The following ANGPT1 variants were observed in gnomAD, a reference collection of about 807,000 sequenced individuals.
ANGPT1 encodes the protein angiopoietin-1.
In ANGPT1, 17 loss-of-function variants were observed where a neutral mutation model predicts 62.2. The observed-to-expected ratio is 0.27, with a 90% confidence interval of 0.19 to 0.41. ANGPT1 has a LOEUF of 0.41. Ranked by LOEUF, ANGPT1 falls within the 10% of genes least tolerant of loss-of-function variation. The pLI is 1.00. For synonymous variants in ANGPT1, 199 were observed against 198.9 expected, an observed-to-expected ratio of 1.00 and a Z score of 0.00; for missense variants, 478 against 594.9, an observed-to-expected ratio of 0.80 and a Z score of 2.04.
At chr8:107,462,195 A>G (rs2130478922) in intron 1 of ANGPT1, among the ~76,000 whole-genome samples, 1 of 152,174 alleles carries the variant, frequency 6.6e-6, no homozygotes, top group African/African-American at 2.4e-5. Flanking sequence ...TTAGAAGGTA[A>G]TGATGAAAAT....
chr8:107,373,936 A>T (rs1816470339), intron 1 of ANGPT1, among the ~76,000 whole-genome samples: 1 of 152,212 alleles, frequency 6.6e-6, no homozygotes. Flanking sequence ...CTATGCTAGC[A>T]CTCAACTCGT....
intron 1 of ANGPT1, among the ~76,000 whole-genome samples, chr8:107,410,234 G>A (rs998376042): frequency 1.3e-5 from 2 of 152,024 alleles, no homozygotes; most frequent in African/African-American, 4.8e-5. Context: ...CAACTTCAAG[G>A]GTCTAATACT....
At chr8:107,461,787 C>A (rs1812078950) in intron 1 of ANGPT1, among the ~76,000 whole-genome samples, 1 of 151,962 alleles carries the variant, frequency 6.6e-6, no homozygotes, top group African/African-American at 2.4e-5. Context: ...GAATGAATAA[C>A]TATGTAAATA....
rs775436703 is a variant in ANGPT1 at position 107,321,974 on chromosome 8, T to C, written c.730A>G (p.Asn244Asp). ...EKQLNRATTN[N>D]SVLQKQQLEL... ...AGTTGCTGCTTCTGAAGGACACTGT[T>C]GTTGGTGGTAGCTCTGTTTAATTGC... Residue 244 changes from asparagine (N) to aspartate (D), a missense_variant, in exon 4 of 9, where the codon AAC becomes GAC. By Grantham distance (23) the Asn-to-Asp change is conservative. Around this residue, in one of 4 missense-constraint regions of ANGPT1, gnomAD observed 343 missense variants for 355.4 expected, o/e 0.97. Coordinates refer to ENST00000517746, the MANE Select transcript of ANGPT1 (RefSeq NM_001146.5). 2.1e-5 allele frequency: 34 copies of C among 1,614,004 alleles called. No individual in the cohort carries two copies. The highest frequency in any genetic ancestry group is 2.6e-5 in the Non-Finnish European group (31 of 1,179,896).
At chr8:107,278,255 T>TA (rs1813911871) in intron 7 of ANGPT1, among the ~76,000 whole-genome samples, 1 of 151,972 alleles carries the variant, frequency 6.6e-6, no homozygotes, top group South Asian at 2.1e-4. Flanking sequence ...TTTGTTTTTT[T>TA]AATTTTTAAT....
At chr8:107,370,145 A>T (rs1816353399) in intron 1 of ANGPT1, among the ~76,000 whole-genome samples, 1 of 145,128 alleles carries the variant, frequency 6.9e-6, no homozygotes, top group South Asian at 2.3e-4. Context: ...AAAAAGAGAG[A>T]GAGAGAAAGA....
intron 6 of ANGPT1, among the ~76,000 whole-genome samples, chr8:107,286,809 T>TA (rs1814153340): frequency 6.6e-6 from 1 of 152,156 alleles, no homozygotes; most frequent in Non-Finnish European, 1.5e-5. Context: ...TCACACTTTG[T>TA]AAAAGTTTCA....
In ANGPT1 at chr8:107,336,497, C is replaced by T. The variant is rs532030302; in HGVS notation, c.454-226G>A. 8 of 496,046 alleles carry T rather than the reference C, an allele frequency of 1.6e-5. No homozygotes were observed. In the South Asian group the frequency reaches 2.4e-4, roughly 15 times the overall value. 30.7% of individuals were successfully genotyped at this position (496,046 alleles called of 1,614,324 possible). A position where few individuals can be genotyped will look rare whatever the true frequency, so the allele number is the denominator to read the frequency against. On this transcript the variant is annotated intron_variant, in intron 2 of 8. Transcript: ENST00000517746. ...TGGCAAACATGGTGAAACCCCGTCT[C>T]TACTAAAAATACAAAAACTTAGCCG...
At chr8:107,409,655 T>G (rs1018004394) in intron 1 of ANGPT1, among the ~76,000 whole-genome samples, 1 of 152,192 alleles carries the variant, frequency 6.6e-6, no homozygotes, top group East Asian at 1.9e-4. Flanking sequence ...CCAATGAGAT[T>G]ATAATATTTT....
At chr8:107,370,368 G>GAAAAAAAGAAAGAAAA (rs1563590995) in intron 1 of ANGPT1, among the ~76,000 whole-genome samples, 1 of 33,908 alleles carries the variant, frequency 2.9e-5, no homozygotes, top group Non-Finnish European at 1.1e-4. Context: ...AAGAAAGAAA[G>GAAAAAAAGAAAGAAAA]AAAGAAAGAA....
At chr8:107,343,961 C>G (rs1815749757) in intron 2 of ANGPT1, among the ~76,000 whole-genome samples, 1 of 152,092 alleles carries the variant, frequency 6.6e-6, no homozygotes, top group African/African-American at 2.4e-5. Flanking sequence ...GCTCATGAGG[C>G]TGGAGTGGGA....
intron 3 of ANGPT1, among the ~76,000 whole-genome samples, chr8:107,330,688 C>A (rs1052351398): frequency 1.3e-5 from 2 of 151,882 alleles, no homozygotes; most frequent in African/African-American, 2.4e-5. Flanking sequence ...GGCAGCTTGA[C>A]CTAAGACATA....
At chr8:107,434,688 G>T (rs2130415257) in intron 1 of ANGPT1, among the ~76,000 whole-genome samples, 1 of 152,276 alleles carries the variant, frequency 6.6e-6, no homozygotes, top group African/African-American at 2.4e-5. Flanking sequence ...ACATGGCAAT[G>T]ATTTGTAATT....
At chr8:107,280,449 A>T (rs1813977734) in intron 7 of ANGPT1, among the ~76,000 whole-genome samples, 1 of 152,150 alleles carries the variant, frequency 6.6e-6, no homozygotes, top group Non-Finnish European at 1.5e-5. Context: ...AGTGGAAGAA[A>T]GAAGCGCTTT....
chr8:107,340,197 C>T (rs1815664043), intron 2 of ANGPT1, among the ~76,000 whole-genome samples: 1 of 151,952 alleles, frequency 6.6e-6, no homozygotes, highest in South Asian at 2.1e-4. Context: ...TAAACACATT[C>T]CAAAAGCACA....
intron 1 of ANGPT1, among the ~76,000 whole-genome samples, chr8:107,481,397 G>A (rs540921931): frequency 1.1e-4 from 16 of 151,874 alleles, no homozygotes; most frequent in East Asian, 5.8e-4. Flanking sequence ...AGCCAGGCGC[G>A]GTGGCGGGCT....
intron 1 of ANGPT1, among the ~76,000 whole-genome samples, chr8:107,451,769 T>C (rs1351231761): frequency 3.3e-5 from 5 of 151,902 alleles, no homozygotes; most frequent in Admixed American, 1.3e-4. Flanking sequence ...GGAAGGAAGA[T>C]GTTTCACTGA....
rs2129977835 is a variant in ANGPT1, at chr8:107,252,154, TAA to T, written c.1337-141_1337-140del. On this transcript the variant is annotated intron_variant, in intron 8 of 8. Coordinates refer to ENST00000517746, the MANE Select transcript of ANGPT1 (RefSeq NM_001146.5). ...CTTATTTGCAATTACGAGGCATCAGTAAATATATTCCCAGTAGTGAAACTGTT... is the reference window on the plus strand; with the variant it reads ...CTTATTTGCAATTACGAGGCATCAGTATATATTCCCAGTAGTGAAACTGTT... 8 of 841,850 alleles carry T rather than the reference TAA, an allele frequency of 9.5e-6. No individual in the cohort carries two copies. The South Asian group carries it at 1.4e-4, about 15-fold the overall frequency. The allele number at this position is 841,850 out of a possible 1,614,324, so 52.1% of individuals were successfully genotyped here.
chr8:107,333,996 GGGAAGGAA>G (rs1228905079), intron 3 of ANGPT1, among the ~76,000 whole-genome samples: 4 of 70,478 alleles, frequency 5.7e-5, no homozygotes, highest in Non-Finnish European at 1.2e-4. Flanking sequence ...GAGGGAGGGA[GGGAAGGAA>G]GGAAGGAAGG....
Sources: gnomAD v4.1 joint callset for allele counts (sites outside exome capture counted in the v4.1 genomes callset) on GRCh38, gnomAD v4.1.1 for gene constraint, gnomAD v4.1.1 regional missense constraint, MANE v1.5 for transcripts, NCBI Gene and HGNC (gene_info 2026-07-23, HGNC 2026-07-21) for gene names.